The following RYR3 variants were observed in gnomAD, a reference collection of about 807,000 sequenced individuals.
RYR3 encodes ryanodine receptor 3, also known as brain ryanodine receptor-calcium release channel.
In RYR3, 207 loss-of-function variants were observed where a neutral mutation model predicts 584.3. The ratio of observed to expected loss-of-function variants is 0.35; its 90% CI spans 0.32 to 0.40. The LOEUF is 0.40. Ranked by LOEUF, RYR3 falls within the 10% of genes least tolerant of loss-of-function variation. RYR3 has a pLI of 1.00. For missense variants in RYR3, 5,616 were observed against 6,089.2 expected, an observed-to-expected ratio of 0.92 and a Z score of 2.59; for synonymous variants, 2,416 against 2,248.5, an observed-to-expected ratio of 1.07 and a Z score of -2.11.
intron 64 of RYR3, among the ~76,000 whole-genome samples, chr15:33,776,675 T>A (rs915820813): frequency 6.6e-6 from 1 of 152,214 alleles, no homozygotes; most frequent in Non-Finnish European, 1.5e-5. Context: ...CTGTTACATG[T>A]TATTTCCTCT....
chr15:33,590,229 TTTCAC>T (rs1377030241), intron 16 of RYR3, among the ~76,000 whole-genome samples: 1 of 152,134 alleles, frequency 6.6e-6, no homozygotes, highest in Admixed American at 6.5e-5. Context: ...AACCGGCCAT[TTTCAC>T]TTCTTTTGTG....
At chr15:33,620,388 G>A (rs535750126) in intron 19 of RYR3, among the ~76,000 whole-genome samples, 28 of 152,152 alleles carry the variant, frequency 1.8e-4, no homozygotes, top group East Asian at 9.6e-4. Flanking sequence ...TCCTTTATCC[G>A]TCTAGAGGTG....
intron 3 of RYR3, among the ~76,000 whole-genome samples, chr15:33,504,099 C>A (rs1476052644): frequency 6.6e-6 from 1 of 152,194 alleles, no homozygotes; most frequent in African/African-American, 2.4e-5. Flanking sequence ...TTGGAAAAAC[C>A]TCACTGGGGA....
chr15:33,587,356 C>A (rs2058908346), intron 16 of RYR3, among the ~76,000 whole-genome samples: 1 of 152,126 alleles, frequency 6.6e-6, no homozygotes, highest in African/African-American at 2.4e-5. Context: ...TCAGAGAAGC[C>A]TTTTGACAGG....
chr15:33,865,255 G>A lies in RYR3; in HGVS notation c.*29G>A, dbSNP rs1308154092. The stretch of plus-strand genomic sequence containing the variant: ...TGAATCAAAGAAGCGCGACAATTCT[G>A]GACAGTCAACTTCCCATGAAATAAA... On this transcript the variant is annotated 3_prime_UTR_variant, in exon 104 of 104. Transcript: ENST00000634891. The A allele has an allele frequency of 5.3e-6, 8 of 1,522,348 alleles. No individual in the cohort carries two copies. The African/African-American group carries it at 8.2e-5, about 16-fold the overall frequency. The allele number at this position is 1,522,348 out of a possible 1,614,324, so 94.3% of individuals were successfully genotyped here. A position where few individuals can be genotyped will look rare whatever the true frequency, so the allele number is the denominator to read the frequency against.
chr15:33,834,488 T>TTTTA (rs1212418463), intron 86 of RYR3, among the ~76,000 whole-genome samples: 2 of 152,030 alleles, frequency 1.3e-5, no homozygotes, highest in Non-Finnish European at 2.9e-5. Context: ...TTTTTTTTTT[T>TTTTA]TTAACTTAAT....
chr15:33,567,141 C>T (rs2057759491), intron 12 of RYR3, among the ~76,000 whole-genome samples: 1 of 152,188 alleles, frequency 6.6e-6, no homozygotes, highest in African/African-American at 2.4e-5. Context: ...GGAACTGATA[C>T]ACTCCCCCAT....
intron 1 of RYR3, among the ~76,000 whole-genome samples, chr15:33,352,509 C>G (rs149707414): frequency 2.8e-4 from 43 of 152,238 alleles, no homozygotes; most frequent in African/African-American, 9.9e-4. Flanking sequence ...TGGAGTCTGC[C>G]CTTGTTGACT....
chr15:33,853,653 C>T lies in RYR3; in HGVS notation c.13770C>T (p.Thr4590=). 1 of 1,613,774 alleles carries T rather than the reference C, an allele frequency of 6.2e-7. No individual in the cohort carries two copies. The highest frequency in any genetic ancestry group is 8.5e-7 in the Non-Finnish European group (1 of 1,179,776). Residue 4590 remains threonine (T), a synonymous_variant, in exon 96 of 104, where the codon ACC becomes ACT. Transcript: ENST00000634891. ...TTGACTTTAGCCCAGTAGAAGAGAC[C>T]AAAGCAGAAGCGGCTTCTCTGGTGT... ...NALDFSPVEE[T]KAEAASLVSW...
chr15:33,743,498 A>T (rs1410817379), intron 52 of RYR3, among the ~76,000 whole-genome samples: 1 of 152,194 alleles, frequency 6.6e-6, no homozygotes, highest in African/African-American at 2.4e-5. Flanking sequence ...TAATTAAAAA[A>T]AGGTGGCCAG....
intron 45 of RYR3, among the ~76,000 whole-genome samples, chr15:33,725,194 C>CACACACATATAT (rs2068286293): frequency 7.6e-6 from 1 of 131,536 alleles, no homozygotes; most frequent in South Asian, 2.3e-4. Context: ...CACACACACA[C>CACACACATATAT]ACACACACAT....
chr15:33,812,152 C>G (rs974180169), intron 72 of RYR3, among the ~76,000 whole-genome samples: 1 of 152,086 alleles, frequency 6.6e-6, no homozygotes, highest in Admixed American at 6.5e-5. Flanking sequence ...AGCCTTGAAC[C>G]AGTAAAACCC....
chr15:33,782,222 GAT>G (rs1306427499), intron 65 of RYR3, among the ~76,000 whole-genome samples: 1 of 152,218 alleles, frequency 6.6e-6, no homozygotes, highest in African/African-American at 2.4e-5. Context: ...ATGTGACAAA[GAT>G]AGAGGAAAGC....
At chr15:33,717,621 CTT>C (rs2067595828) in intron 43 of RYR3, among the ~76,000 whole-genome samples, 1 of 152,204 alleles carries the variant, frequency 6.6e-6, no homozygotes, top group African/African-American at 2.4e-5. Context: ...CTTCTACTCT[CTT>C]ATATTGGCCT....
At chr15:33,852,326 A>C (rs2079188018) in intron 94 of RYR3, 1 of 152,174 alleles carries the variant, frequency 6.6e-6, no homozygotes, top group African/African-American at 2.4e-5. Flanking sequence ...CCTGAAGATG[A>C]CAGTTCTTTC....
chr15:33,802,444 C>T (rs1380299575), intron 69 of RYR3, among the ~76,000 whole-genome samples: 3 of 151,482 alleles, frequency 2.0e-5, no homozygotes, highest in South Asian at 2.1e-4. Flanking sequence ...CTCTTAATGC[C>T]CTCTGTTTCT....
At chr15:33,375,264 A>G (rs1335002327) in intron 1 of RYR3, among the ~76,000 whole-genome samples, 1 of 152,222 alleles carries the variant, frequency 6.6e-6, no homozygotes, top group African/African-American at 2.4e-5. Context: ...GATGCATGGT[A>G]AGCACTCAGA....
In RYR3 at chr15:33,550,092, A is replaced by G; in HGVS notation, c.816-68A>G. On this transcript the variant is annotated intron_variant, in intron 9 of 103. Coordinates refer to ENST00000634891, the MANE Select transcript of RYR3 (RefSeq NM_001036.6). ...AGTCTGCTAGCATGTGTAAGAAAGC[A>G]TAGGATAAATACTGAAAAGGACTTA... 2.0e-6 allele frequency: 3 copies of G among 1,492,188 alleles called. No homozygotes were observed. In the Admixed American group the frequency reaches 6.1e-5, roughly 30 times the overall value. The allele number at this position is 1,492,188 out of a possible 1,614,324, so 92.4% of individuals were successfully genotyped here. A position where few individuals can be genotyped will look rare whatever the true frequency, so the allele number is the denominator to read the frequency against.
chr15:33,778,272 T>C (rs1393939028), intron 64 of RYR3, among the ~76,000 whole-genome samples: 5 of 152,236 alleles, frequency 3.3e-5, no homozygotes, highest in Non-Finnish European at 7.3e-5. Flanking sequence ...GCTCTCCCTG[T>C]GGCCTTTCTT....
Sources: gnomAD v4.1 joint callset for allele counts (sites outside exome capture counted in the v4.1 genomes callset) on GRCh38, gnomAD v4.1.1 for gene constraint, MANE v1.5 for transcripts, NCBI Gene and HGNC (gene_info 2026-07-23, HGNC 2026-07-21) for gene names.